TBC1D22A: variants seen among roughly 807,000 people sequenced by gnomAD.
TBC1D22A encodes the protein TBC1 domain family member 22A.
Under a neutral mutation model 60.2 loss-of-function variants are expected in TBC1D22A, and 38 were observed. The ratio of observed to expected loss-of-function variants is 0.63; its 90% confidence interval spans 0.49 to 0.83. The LOEUF is 0.83. Ranked by LOEUF, TBC1D22A falls within the 40% of genes least tolerant of loss-of-function variation. The pLI is 0.00. For synonymous variants in TBC1D22A, 302 were observed against 281.7 expected, an observed-to-expected ratio of 1.07 and a Z score of -0.72; for missense variants, 628 against 701.0, an observed-to-expected ratio of 0.90 and a Z score of 1.18.
At chr22:47,157,100 G>A (rs2067751594) in intron 12 of TBC1D22A, among the ~76,000 whole-genome samples, 2 of 152,338 alleles carry the variant, frequency 1.3e-5, no homozygotes, top group South Asian at 2.1e-4. Flanking sequence ...GGCCATCTGG[G>A]GGTGCAAGGC....
At chr22:47,056,365 C>T (rs2063393286) in intron 11 of TBC1D22A, among the ~76,000 whole-genome samples, 1 of 152,116 alleles carries the variant, frequency 6.6e-6, no homozygotes, top group South Asian at 2.1e-4. Flanking sequence ...TTTGAAGGCA[C>T]AGGGCTGCCT....
At chr22:47,058,894 C>G (rs2063482984) in intron 11 of TBC1D22A, among the ~76,000 whole-genome samples, 1 of 152,184 alleles carries the variant, frequency 6.6e-6, no homozygotes, top group African/African-American at 2.4e-5. Context: ...GGAGACAGAT[C>G]TTGAGCAGTG....
At position 46,972,714 on chromosome 22, in the gene TBC1D22A, G is replaced by A. The variant is rs150352230; in HGVS notation, c.1016-1576G>A. Among the ~76,000 whole-genome samples, 343 of 152,280 alleles carry A rather than the reference G, an allele frequency of 2.3e-3. 1 individual carries two copies. The highest frequency in any genetic ancestry group is 8.0e-3 in the African/African-American group (334 of 41,548). Reference sequence around the variant, plus strand: ...CAAAGGCTCTGGAACTAGCGGTGACGCTTGTGACCCTACTCAAGACCACTC... The same window carrying A: ...CAAAGGCTCTGGAACTAGCGGTGACACTTGTGACCCTACTCAAGACCACTC... On this transcript the variant is annotated intron_variant, in intron 8 of 12. Transcript: ENST00000337137.
chr22:46,847,376 A>G (rs1252615437), intron 4 of TBC1D22A, among the ~76,000 whole-genome samples: 1 of 152,178 alleles, frequency 6.6e-6, no homozygotes, highest in Non-Finnish European at 1.5e-5. Flanking sequence ...CATATCTACC[A>G]GTATCTGCCC....
At chr22:47,053,036 C>G (rs909364357) in intron 11 of TBC1D22A, among the ~76,000 whole-genome samples, 1 of 152,232 alleles carries the variant, frequency 6.6e-6, no homozygotes, top group South Asian at 2.1e-4. Context: ...ATTGTCATGT[C>G]TCTGTCATTT....
chr22:47,100,534 A>T (rs57638441), intron 11 of TBC1D22A, among the ~76,000 whole-genome samples: 2 of 152,124 alleles, frequency 1.3e-5, no homozygotes, highest in Non-Finnish European at 2.9e-5. Flanking sequence ...TAATAGAATC[A>T]TGGGGGCAGG....
At chr22:46,903,247 C>G (rs1342201242) in intron 7 of TBC1D22A, among the ~76,000 whole-genome samples, 5 of 152,162 alleles carry the variant, frequency 3.3e-5, no homozygotes. Context: ...TGCAGTGGCA[C>G]AGCCATCCCA....
intron 4 of TBC1D22A, among the ~76,000 whole-genome samples, chr22:46,810,425 G>A (rs371403270): frequency 8.1e-5 from 12 of 147,496 alleles, no homozygotes; most frequent in African/African-American, 2.2e-4. Context: ...ATAGTGTTAC[G>A]TGCCCCTTTT....
intron 4 of TBC1D22A, among the ~76,000 whole-genome samples, chr22:46,853,504 C>T (rs1485957190): frequency 6.6e-6 from 1 of 152,192 alleles, no homozygotes; most frequent in African/African-American, 2.4e-5. Flanking sequence ...TTCCTCCAGC[C>T]TCCAATAGAG....
chr22:46,918,668 G>A (rs2070540927), intron 8 of TBC1D22A, among the ~76,000 whole-genome samples: 1 of 152,158 alleles, frequency 6.6e-6, no homozygotes, highest in African/African-American at 2.4e-5. Flanking sequence ...TTGATAGTGG[G>A]GATCTTGCTA....
intron 11 of TBC1D22A, among the ~76,000 whole-genome samples, chr22:47,081,275 A>G (rs1422046654): frequency 6.6e-6 from 1 of 152,234 alleles, no homozygotes; most frequent in Admixed American, 6.5e-5. Context: ...AGATGCAGAA[A>G]TAGCATTTGA....
At chr22:47,164,239 A>G (rs1156445961) in intron 12 of TBC1D22A, among the ~76,000 whole-genome samples, 2 of 152,078 alleles carry the variant, frequency 1.3e-5, no homozygotes, top group East Asian at 3.9e-4. Context: ...AAAGGCACAC[A>G]CTCTGCCGGC....
At chr22:46,816,166 C>T (rs1049962232) in intron 4 of TBC1D22A, among the ~76,000 whole-genome samples, 1 of 152,216 alleles carries the variant, frequency 6.6e-6, no homozygotes, top group African/African-American at 2.4e-5. Context: ...GCCTGCCTGC[C>T]TGCTCTTGGC....
chr22:47,171,716 C>G (rs2068460500), intron 12 of TBC1D22A, among the ~76,000 whole-genome samples: 1 of 152,178 alleles, frequency 6.6e-6, no homozygotes, highest in Admixed American at 6.5e-5. Context: ...TGGGCGTGGT[C>G]ATGTGGGAGG....
intron 10 of TBC1D22A, among the ~76,000 whole-genome samples, chr22:46,999,027 T>A (rs1569319342): frequency 6.6e-6 from 1 of 152,214 alleles, no homozygotes; most frequent in Non-Finnish European, 1.5e-5. Context: ...TGAAGTATGA[T>A]TTGCAGTAGA....
intron 11 of TBC1D22A, among the ~76,000 whole-genome samples, chr22:47,074,733 C>T (rs1276412391): frequency 6.6e-6 from 1 of 152,202 alleles, no homozygotes; most frequent in African/African-American, 2.4e-5. Flanking sequence ...CCATGTCATC[C>T]TGAGAGCCAT....
intron 4 of TBC1D22A, among the ~76,000 whole-genome samples, chr22:46,799,512 T>C (rs2084806628): frequency 6.6e-6 from 1 of 152,214 alleles, no homozygotes; most frequent in South Asian, 2.1e-4. Flanking sequence ...TTAACACTTG[T>C]ATTATTTTCA....
chr22:46,997,449 A>C (rs1335802013), intron 9 of TBC1D22A, among the ~76,000 whole-genome samples, 185 bp from the exon 10 acceptor site: 1 of 152,168 alleles, frequency 6.6e-6, no homozygotes, highest in Admixed American at 6.5e-5. Context: ...TCCCTTCTCA[A>C]AATAGCAGTC....
intron 8 of TBC1D22A, among the ~76,000 whole-genome samples, chr22:46,948,950 G>C (rs1301213600): frequency 6.6e-6 from 1 of 152,212 alleles, no homozygotes; most frequent in South Asian, 2.1e-4. Flanking sequence ...AGGTAGATCA[G>C]CCTGCTTCCA....
Sources: allele counts gnomAD v4.1 joint callset (sites outside exome capture counted in the v4.1 genomes callset), GRCh38; gene constraint gnomAD v4.1.1; transcripts MANE v1.5; gene names NCBI Gene and HGNC (gene_info 2026-07-23, HGNC 2026-07-21).